Variants in CSMD3 observed in about 807,000 individuals in gnomAD.
CSMD3 encodes CUB and sushi domain-containing protein 3.
A neutral mutation model predicts 435.2 loss-of-function variants in CSMD3; 177 were observed. That is an observed-to-expected ratio of 0.41 (90% confidence interval 0.36 to 0.46). CSMD3 has a LOEUF of 0.46. CSMD3 is among the 20% of genes least tolerant of loss of function. The probability of loss-of-function intolerance (pLI) is 0.34; values close to 1 mark genes in which losing one functional copy is unlikely to be tolerated. For missense variants in CSMD3, 4,265 were observed against 4,504.6 expected (o/e 0.95, Z 1.52); for synonymous variants, 1,656 against 1,520.5 (o/e 1.09, Z -2.07).
In CSMD3 at chr8:113,225,299, G is replaced by A. The variant is rs994009291; in HGVS notation, c.515-51383C>T. ...GCACCGTCCTGAAAATATCCAGAAA[G>A]AACATTCAGAAAAAGTTCTCTGTTC... On this transcript the variant is annotated intron_variant, in intron 3 of 70. Coordinates refer to ENST00000297405, the MANE Select transcript of CSMD3 (RefSeq NM_198123.2). Among the ~76,000 whole-genome samples the A allele has an allele frequency of 2.0e-5, 3 of 151,376 alleles. No homozygotes were observed. The Admixed American group carries it at 2.0e-4, about 10-fold the overall frequency.
intron 27 of CSMD3, among the ~76,000 whole-genome samples, chr8:112,543,070 T>C (rs1826831067): frequency 6.6e-6 from 1 of 151,996 alleles, no homozygotes; most frequent in Admixed American, 6.6e-5. Flanking sequence ...AATTAGACCC[T>C]TATCTTACAG....
intron 19 of CSMD3, among the ~76,000 whole-genome samples, chr8:112,646,074 C>T (rs1485197570): frequency 2.0e-5 from 3 of 152,116 alleles, no homozygotes; most frequent in Admixed American, 1.3e-4. Flanking sequence ...TGCCCACTTT[C>T]TTAGCACACT....
At chr8:112,648,699 G>C (rs1012050407) in intron 19 of CSMD3, among the ~76,000 whole-genome samples, 3 of 152,140 alleles carry the variant, frequency 2.0e-5, no homozygotes, top group African/African-American at 7.2e-5. Context: ...AAAGTTAAGC[G>C]TGTTGATGCG....
intron 7 of CSMD3, among the ~76,000 whole-genome samples, chr8:112,955,528 A>C (rs2083983488): frequency 6.6e-6 from 1 of 151,794 alleles, no homozygotes; most frequent in Admixed American, 6.6e-5. Flanking sequence ...AAAATATTCC[A>C]AATCTTCTAG....
intron 6 of CSMD3, among the ~76,000 whole-genome samples, chr8:112,985,173 A>C (rs1410598380): frequency 6.6e-6 from 1 of 152,128 alleles, no homozygotes; most frequent in Non-Finnish European, 1.5e-5. Flanking sequence ...TTGCTTACAC[A>C]AACCAGGAAG....
intron 30 of CSMD3, among the ~76,000 whole-genome samples, chr8:112,503,214 T>A (rs1305712444): frequency 6.6e-6 from 1 of 152,276 alleles, no homozygotes; most frequent in South Asian, 2.1e-4. Flanking sequence ...CTTGAGTAGC[T>A]GGGACTACAG....
At chr8:112,576,522 T>C (rs1029730738) in intron 23 of CSMD3, among the ~76,000 whole-genome samples, 7 of 152,072 alleles carry the variant, frequency 4.6e-5, no homozygotes, top group Admixed American at 2.6e-4. Context: ...TTTTTTTTCC[T>C]TTTGTTTTCT....
intron 2 of CSMD3, chr8:113,311,942 A>G (rs966897814): frequency 4.6e-5 from 7 of 152,138 alleles, no homozygotes; most frequent in Non-Finnish European, 1.0e-4. Flanking sequence ...TCTATAAAAT[A>G]AATAGGAAAA....
At chr8:112,741,143 A>G (rs964789396) in intron 13 of CSMD3, among the ~76,000 whole-genome samples, 1 of 151,880 alleles carries the variant, frequency 6.6e-6, no homozygotes, top group Non-Finnish European at 1.5e-5. Context: ...CTAGAAAGGC[A>G]GAAATATGAT....
intron 4 of CSMD3, among the ~76,000 whole-genome samples, chr8:113,130,441 T>C (rs2091256519): frequency 6.6e-6 from 1 of 152,158 alleles, no homozygotes; most frequent in African/African-American, 2.4e-5. Flanking sequence ...ACCTCCTCTG[T>C]CTCTTCCTCC....
At chr8:112,641,540 T>C (rs1563801542) in intron 20 of CSMD3, among the ~76,000 whole-genome samples, 1 of 152,006 alleles carries the variant, frequency 6.6e-6, no homozygotes, top group Non-Finnish European at 1.5e-5. Context: ...AAAATGACCT[T>C]CAAATGTAAT....
intron 10 of CSMD3, among the ~76,000 whole-genome samples, chr8:112,881,803 C>A (rs939928586): frequency 6.6e-6 from 1 of 151,966 alleles, no homozygotes; most frequent in Non-Finnish European, 1.5e-5. Flanking sequence ...GGAACAAATT[C>A]TTCCCGATTA....
At chr8:112,676,292 T>C (rs1428861500) in intron 16 of CSMD3, among the ~76,000 whole-genome samples, 1 of 151,882 alleles carries the variant, frequency 6.6e-6, no homozygotes, top group Non-Finnish European at 1.5e-5. Flanking sequence ...AAATCACCAA[T>C]GAAATGAATG....
intron 45 of CSMD3, among the ~76,000 whole-genome samples, chr8:112,329,882 G>C (rs1823870217): frequency 1.3e-5 from 2 of 151,876 alleles, no homozygotes; most frequent in Admixed American, 6.6e-5. Flanking sequence ...CTAGCAGTTT[G>C]GGTTTTAGCT....
chr8:113,425,110 T>A (rs1179039510), intron 1 of CSMD3, among the ~76,000 whole-genome samples: 3 of 151,496 alleles, frequency 2.0e-5, no homozygotes, highest in African/African-American at 4.8e-5. Context: ...GCTGAAGGAA[T>A]GTCTCAAAGA....
At chr8:112,615,953 A>T (rs138955439) in intron 22 of CSMD3, among the ~76,000 whole-genome samples, 1 of 152,294 alleles carries the variant, frequency 6.6e-6, no homozygotes, top group Non-Finnish European at 1.5e-5. Flanking sequence ...TAATTTGTAG[A>T]AGCAGATACT....
At chr8:112,798,254 G>C (rs1241599718) in intron 13 of CSMD3, among the ~76,000 whole-genome samples, 1 of 151,864 alleles carries the variant, frequency 6.6e-6, no homozygotes, top group East Asian at 1.9e-4. Flanking sequence ...AGGGTTCAGA[G>C]AGTTATGGAT....
intron 8 of CSMD3, 49 bp downstream of exon 8, chr8:112,954,635 A>T: frequency 8.4e-7 from 1 of 1,188,824 alleles, no homozygotes; most frequent in Non-Finnish European, 1.3e-6. Context: ...CAGACACCAC[A>T]AACTTCACTC....
intron 3 of CSMD3, among the ~76,000 whole-genome samples, chr8:113,263,028 C>T (rs2093439579): frequency 6.6e-6 from 1 of 151,806 alleles, no homozygotes; most frequent in South Asian, 2.1e-4. Flanking sequence ...TTTTAATATC[C>T]CTAGGCAAAT....
Sources: gnomAD v4.1 joint callset for allele counts (sites outside exome capture counted in the v4.1 genomes callset) on GRCh38, gnomAD v4.1.1 for gene constraint, MANE v1.5 for transcripts, NCBI Gene and HGNC (gene_info 2026-07-23, HGNC 2026-07-21) for gene names.